DHDDS: variants seen among roughly 807,000 people sequenced by gnomAD.
The protein encoded by DHDDS is dehydrodolichyl diphosphate synthase subunit.
In DHDDS, 16 loss-of-function variants were observed where a neutral mutation model predicts 46.2. The observed-to-expected ratio is 0.35, with a 90% CI of 0.23 to 0.53. The LOEUF (loss-of-function observed/expected upper bound fraction) is 0.53. Among genes scored for constraint, DHDDS ranks in the 20% least tolerant of loss-of-function variants. The pLI, the probability that DHDDS is intolerant of heterozygous loss-of-function variation, is 0.94. For missense variants in DHDDS, 340 were observed against 423.7 expected, an observed-to-expected ratio of 0.80 and a Z score of 1.73; for synonymous variants, 151 against 163.1, an observed-to-expected ratio of 0.93 and a Z score of 0.56.
At chr1:26,461,532 T>A (rs988132292) in intron 8 of DHDDS, among the ~76,000 whole-genome samples, 1 of 152,036 alleles carries the variant, frequency 6.6e-6, no homozygotes, top group Non-Finnish European at 1.5e-5. Context: ...ATTACAGGCA[T>A]GCGCCACCAA....
At chr1:26,466,139 T>C (rs2075483178) in intron 8 of DHDDS, 1 of 152,134 alleles carries the variant, frequency 6.6e-6, no homozygotes, top group Non-Finnish European at 1.5e-5. Context: ...TTGGAGCCCT[T>C]GCACCAAGAT....
chr1:26,457,469 CAAATAAATAAAT>C (rs578033799), intron 6 of DHDDS, among the ~76,000 whole-genome samples: 2 of 142,500 alleles, frequency 1.4e-5, no homozygotes, highest in Non-Finnish European at 3.0e-5. Context: ...GACTCTATCT[CAAATAAATAAAT>C]AAATAAATAA....
chr1:26,448,526 C>G (rs1039118434), intron 6 of DHDDS: 2 of 152,118 alleles, frequency 1.3e-5, no homozygotes, highest in Non-Finnish European at 2.9e-5. Flanking sequence ...TAGTGGAATC[C>G]TAATTATTAA....
intron 6 of DHDDS, among the ~76,000 whole-genome samples, chr1:26,455,550 C>T (rs1001344451): frequency 6.6e-6 from 1 of 152,074 alleles, no homozygotes; most frequent in African/African-American, 2.4e-5. Flanking sequence ...AATTCAAGAC[C>T]AGCCTGGCCA....
At chr1:26,446,740 G>A (rs943095015) in intron 5 of DHDDS, among the ~76,000 whole-genome samples, 27 of 151,946 alleles carry the variant, frequency 1.8e-4, no homozygotes, top group Non-Finnish European at 8.8e-5. Context: ...GAATGGGATC[G>A]GAATACAGCA....
rs536619098 is a variant in DHDDS at position 26,436,235 on chromosome 1, C to T, written c.64-1933C>T. 3.3e-3 allele frequency among the ~76,000 whole-genome samples: 500 copies of T among 152,060 alleles called. 6 individuals are homozygous for T. Among genetic ancestry groups the T allele is most frequent in the Non-Finnish European group, 5.5e-3 (371 of 67,972 alleles). ...CAACATGGTGAGACCCCCGTCTCTA[C>T]AAAATATAAAAAAATTAGCTGGGTG... On this transcript the variant is annotated intron_variant, in intron 2 of 8. Coordinates refer to ENST00000236342, the MANE Select transcript of DHDDS (RefSeq NM_205861.3).
chr1:26,456,674 T>C (rs1211390440), intron 6 of DHDDS, among the ~76,000 whole-genome samples: 1 of 152,220 alleles, frequency 6.6e-6, no homozygotes, highest in Non-Finnish European at 1.5e-5. Flanking sequence ...ATTACAGGCA[T>C]GAGTCACCAC....
At chr1:26,461,423 C>T (rs181913498) in intron 8 of DHDDS, among the ~76,000 whole-genome samples, 2 of 145,148 alleles carry the variant, frequency 1.4e-5, no homozygotes, top group Non-Finnish European at 3.0e-5. Context: ...TTCGCTCTTG[C>T]GGCCCAGGCT....
At chr1:26,452,774 C>G (rs1403819245) in intron 6 of DHDDS, among the ~76,000 whole-genome samples, 1 of 152,038 alleles carries the variant, frequency 6.6e-6, no homozygotes, top group East Asian at 1.9e-4. Flanking sequence ...TTCCTCATAG[C>G]AAAGCTGAAA....
At chr1:26,442,572 T>C in intron 3 of DHDDS, 159 bp from the exon 4 acceptor site, 1 of 843,506 alleles carries the variant, frequency 1.2e-6, no homozygotes, top group South Asian at 1.4e-5. Context: ...GATGCATTAA[T>C]TCTGACATAA....
chr1:26,467,742 C>G (rs951492671), intron 8 of DHDDS, among the ~76,000 whole-genome samples: 1 of 152,164 alleles, frequency 6.6e-6, no homozygotes, highest in Non-Finnish European at 1.5e-5. Context: ...GAAGGGTCAT[C>G]AGGGTATAGG....
chr1:26,455,058 C>A, intron 6 of DHDDS: 2 of 1,008,008 alleles, frequency 2.0e-6, no homozygotes, highest in South Asian at 2.5e-5. Context: ...TACTTCATGG[C>A]TTTTCGTATA....
At chr1:26,443,220 G>C (rs1463957554) in intron 4 of DHDDS, 4 of 288,420 alleles carry the variant, frequency 1.4e-5, no homozygotes, top group African/African-American at 8.9e-5. Context: ...GTTTTCTCTT[G>C]CTTCAAAAGA....
rs1264993030 is a variant in DHDDS, at chr1:26,446,598, G to A, written c.440+166G>A. Among the ~76,000 whole-genome samples, 4 of 152,240 alleles carry A rather than the reference G, an allele frequency of 2.6e-5. No homozygotes were observed. In the East Asian group the frequency reaches 5.8e-4, roughly 22 times the overall value. ...TCCGTCTGCAGGGCACACCAGACAT[G>A]ATTCTGCAATAACATGTTATATGTG... On this transcript the variant is annotated intron_variant, in intron 5 of 8. Coordinates refer to ENST00000236342, the MANE Select transcript of DHDDS (RefSeq NM_205861.3).
At chr1:26,455,215 G>A (rs2075359778) in intron 6 of DHDDS, 1 of 709,134 alleles carries the variant, frequency 1.4e-6, no homozygotes, top group Non-Finnish European at 2.6e-6. Flanking sequence ...GGCCGCTTAG[G>A]GAAAGAGCAA....
chr1:26,432,543 G>T, intron 1 of DHDDS, 167 bp downstream of exon 1: 1 of 272,794 alleles, frequency 3.7e-6, no homozygotes, highest in Non-Finnish European at 7.3e-6. Context: ...GCACAGAGTT[G>T]GAAACAGCTT....
chr1:26,468,878 CCA>C lies in DHDDS; in HGVS notation c.766-15_766-14del. ...AAAAATGATCTCCCCACCCCAATCCCCACTTTTCTCTAGCAGAAGGCCCGAGA... is the reference window on the plus strand; with the variant it reads ...AAAAATGATCTCCCCACCCCAATCCCCTTTTCTCTAGCAGAAGGCCCGAGA... On this transcript the variant is annotated splice_polypyrimidine_tract_variant and intron_variant, in intron 8 of 8. Transcript: ENST00000236342. 3 of 1,613,870 alleles carry C rather than the reference CCA, an allele frequency of 1.9e-6. No homozygotes were observed. Among genetic ancestry groups the C allele is most frequent in the Non-Finnish European group, 2.5e-6 (3 of 1,180,006 alleles).
At chr1:26,450,725 TA>T (rs1431250039) in intron 6 of DHDDS, among the ~76,000 whole-genome samples, 1 of 152,060 alleles carries the variant, frequency 6.6e-6, no homozygotes, top group Non-Finnish European at 1.5e-5. Flanking sequence ...TTAAAACAAT[TA>T]AGAGACTGGT....
intron 8 of DHDDS, among the ~76,000 whole-genome samples, chr1:26,463,998 T>TA (rs1252756077): frequency 1.4e-5 from 2 of 142,468 alleles, no homozygotes; most frequent in Admixed American, 6.9e-5. Context: ...CAAACTTTTT[T>TA]TTTTTTTTTT....
Sources: gnomAD v4.1 joint callset for allele counts (sites outside exome capture counted in the v4.1 genomes callset) on GRCh38, gnomAD v4.1.1 for gene constraint, MANE v1.5 for transcripts, NCBI Gene and HGNC (gene_info 2026-07-23, HGNC 2026-07-21) for gene names.